GRM7: variants seen among roughly 807,000 people sequenced by gnomAD.
GRM7 encodes the protein glutamate metabotropic receptor 7.
Under a neutral mutation model 84.5 loss-of-function variants are expected in GRM7, and 35 were observed. The observed-to-expected ratio is 0.41, with a 90% confidence interval of 0.32 to 0.55. The LOEUF is 0.55. Among genes scored for constraint, GRM7 ranks in the 20% least tolerant of loss-of-function variants. GRM7 has a pLI of 0.19. For synonymous variants in GRM7, 487 were observed against 455.1 expected (o/e 1.07, Z -0.89); for missense variants, 1,003 against 1,194.6 (o/e 0.84, Z 2.36).
intron 7 of GRM7, among the ~76,000 whole-genome samples, chr3:7,526,865 A>G (rs918103766): frequency 6.6e-6 from 1 of 151,670 alleles, no homozygotes; most frequent in Non-Finnish European, 1.5e-5. Context: ...TGAGTTTTCT[A>G]TATTGTTTTA....
At chr3:7,445,069 T>C (rs2124878319) in intron 5 of GRM7, among the ~76,000 whole-genome samples, 1 of 152,276 alleles carries the variant, frequency 6.6e-6, no homozygotes, top group South Asian at 2.1e-4. Flanking sequence ...GTTCTGGGCG[T>C]TAACTTTTCC....
chr3:7,309,486 C>A (rs1169393353), intron 4 of GRM7, among the ~76,000 whole-genome samples: 1 of 152,090 alleles, frequency 6.6e-6, no homozygotes, highest in Non-Finnish European at 1.5e-5. Flanking sequence ...GATACTGCTC[C>A]ATTCCTATAT....
chr3:7,519,589 C>A (rs1700516449), intron 7 of GRM7, among the ~76,000 whole-genome samples: 1 of 152,064 alleles, frequency 6.6e-6, no homozygotes, highest in Non-Finnish European at 1.5e-5. Context: ...AACAACGAAG[C>A]AAAATTAGAG....
chr3:7,454,717 A>G (rs1697930947), intron 6 of GRM7, among the ~76,000 whole-genome samples: 1 of 152,088 alleles, frequency 6.6e-6, no homozygotes, highest in Non-Finnish European at 1.5e-5. Flanking sequence ...AAAATCCCTA[A>G]CAAGGAATGA....
chr3:7,365,986 A>G (rs916132647), intron 4 of GRM7, among the ~76,000 whole-genome samples: 7 of 151,578 alleles, frequency 4.6e-5, no homozygotes, highest in African/African-American at 1.7e-4. Flanking sequence ...ATCCCATACT[A>G]TACTAATAAA....
chr3:7,639,858 G>A (rs972814208), intron 8 of GRM7, among the ~76,000 whole-genome samples: 5 of 152,064 alleles, frequency 3.3e-5, no homozygotes, highest in African/African-American at 1.2e-4. Flanking sequence ...TCCCTTTCTA[G>A]TCAGGACCCA....
chr3:7,084,780 A>G (rs1698385529), intron 1 of GRM7, among the ~76,000 whole-genome samples: 1 of 152,132 alleles, frequency 6.6e-6, no homozygotes, highest in Admixed American at 6.6e-5. Context: ...GGATTTCTTT[A>G]TTCGGGAAAT....
At chr3:7,140,181 TCC>T (rs1322693256) in intron 1 of GRM7, among the ~76,000 whole-genome samples, 2 of 151,572 alleles carry the variant, frequency 1.3e-5, no homozygotes, top group African/African-American at 4.9e-5. Context: ...GTAGAGAAGG[TCC>T]CCCTTGAATA....
chr3:7,574,655 C>T (rs1694871436), intron 7 of GRM7, among the ~76,000 whole-genome samples: 1 of 152,222 alleles, frequency 6.6e-6, no homozygotes, highest in Admixed American at 6.5e-5. Context: ...ATGTCTTGCT[C>T]ATAGCTTGCA....
chr3:6,940,596 TAC>T (rs1164438725), intron 1 of GRM7, among the ~76,000 whole-genome samples: 1 of 152,220 alleles, frequency 6.6e-6, no homozygotes, highest in Non-Finnish European at 1.5e-5. Flanking sequence ...TAAAAGAACC[TAC>T]AGTTTCTTCT....
At chr3:7,538,299 A>T (rs1692664706) in intron 7 of GRM7, among the ~76,000 whole-genome samples, 1 of 152,108 alleles carries the variant, frequency 6.6e-6, no homozygotes, top group Non-Finnish European at 1.5e-5. Flanking sequence ...TTTAGTAGAG[A>T]TGGAGTTTCA....
intron 7 of GRM7, among the ~76,000 whole-genome samples, chr3:7,548,930 A>T (rs1693305129): frequency 6.6e-6 from 1 of 152,122 alleles, no homozygotes; most frequent in Admixed American, 6.5e-5. Context: ...ACTCTGCAGG[A>T]CTCAATGCAT....
chr3:7,009,695 TGC>T (rs1451343507), intron 1 of GRM7, among the ~76,000 whole-genome samples: 1 of 152,184 alleles, frequency 6.6e-6, no homozygotes, highest in Non-Finnish European at 1.5e-5. Flanking sequence ...TCTGATTCTG[TGC>T]GCACTGTCTG....
rs201541338 is a variant in GRM7, at chr3:7,410,652, AC to A, written c.1034-4369del. ...ATACACACATACACACAAAACCACC[AC>A]CACCACACACACACACACACACACA... On this transcript the variant is annotated intron_variant, in intron 4 of 9. Transcript: ENST00000357716. 4.2e-3 allele frequency among the ~76,000 whole-genome samples: 625 copies of A among 147,074 alleles called. 4 individuals are homozygous for A. Among genetic ancestry groups the A allele is most frequent in the South Asian group, 0.021 (97 of 4,694 alleles).
chr3:7,096,806 A>G (rs1346629232), intron 1 of GRM7, among the ~76,000 whole-genome samples: 4 of 152,150 alleles, frequency 2.6e-5, no homozygotes, highest in Non-Finnish European at 4.4e-5. Context: ...ACTCCTATCA[A>G]TCAGGAAATT....
At chr3:7,049,990 C>T (rs1696934982) in intron 1 of GRM7, among the ~76,000 whole-genome samples, 1 of 151,768 alleles carries the variant, frequency 6.6e-6, no homozygotes, top group South Asian at 2.1e-4. Flanking sequence ...AATAGACAGT[C>T]ATTGTAAAGT....
intron 1 of GRM7, among the ~76,000 whole-genome samples, chr3:7,078,396 A>G (rs558179296): frequency 1.3e-4 from 20 of 152,276 alleles, no homozygotes; most frequent in African/African-American, 4.6e-4. Context: ...ACGGGGACAG[A>G]TGCTGCTGCT....
intron 7 of GRM7, among the ~76,000 whole-genome samples, chr3:7,570,916 C>T (rs1474854073): frequency 6.6e-6 from 1 of 152,220 alleles, no homozygotes; most frequent in African/African-American, 2.4e-5. Context: ...CAGTTATTGA[C>T]TTCTGTGCAT....
chr3:7,664,783 GCTTA>G (rs1401083627), intron 8 of GRM7, among the ~76,000 whole-genome samples: 1 of 152,128 alleles, frequency 6.6e-6, no homozygotes, highest in Non-Finnish European at 1.5e-5. Flanking sequence ...GGCACTCAAT[GCTTA>G]CTTGAAACTC....
Sources: gnomAD v4.1 joint callset for allele counts (sites outside exome capture counted in the v4.1 genomes callset) on GRCh38, gnomAD v4.1.1 for gene constraint, MANE v1.5 for transcripts, NCBI Gene and HGNC (gene_info 2026-07-23, HGNC 2026-07-21) for gene names.